The following PCDH1 variants were observed in gnomAD, a reference collection of about 807,000 sequenced individuals.
PCDH1 encodes protocadherin-1.
PCDH1 carries 23 observed loss-of-function variants against 74.6 expected under a neutral mutation model. That is an observed-to-expected ratio of 0.31 (90% CI 0.22 to 0.44). The LOEUF (loss-of-function observed/expected upper bound fraction) is 0.44, where lower values mean the gene tolerates loss of function less well. Ranked by LOEUF, PCDH1 falls within the 20% of genes least tolerant of loss-of-function variation. The pLI, the probability that PCDH1 is intolerant of heterozygous loss-of-function variation, is 1.00. For missense variants in PCDH1, 1,214 were observed against 1,641.4 expected (o/e 0.74, Z 4.50); for synonymous variants, 647 against 686.1 (o/e 0.94, Z 0.89).
chr5:141,873,076 G>A (rs952382732), intron 1 of PCDH1, among the ~76,000 whole-genome samples: 3 of 152,070 alleles, frequency 2.0e-5, no homozygotes, highest in Non-Finnish European at 4.4e-5. Flanking sequence ...GACCATCTGG[G>A]TACAACTTTG....
rs34636888 is a variant in PCDH1 at position 141,864,197 on chromosome 5, C to T, written c.2134G>A (p.Ala712Thr). The change falls in exon 3 of 5, where the codon GCA (alanine) becomes ACA (threonine). Residue 712 changes from alanine to threonine, a missense_variant. Transcript: ENST00000287008. The surrounding 1 kb of genome is among the most constrained non-coding windows in gnomAD (Gnocchi z 5.9). ...TINVLDENDN[A>T]PYITAPSNTS... Reference sequence around the variant, plus strand: ...TTAGAAGGGGCAGTGATATAGGGTGCGTTGTCATTCTCGTCCAGCACATTG... The same window carrying T: ...TTAGAAGGGGCAGTGATATAGGGTGTGTTGTCATTCTCGTCCAGCACATTG... 17,468 of 1,606,220 alleles carry T rather than the reference C, an allele frequency of 0.011. 117 individuals carry two copies. Among genetic ancestry groups the T allele is most frequent in the Non-Finnish European group, 0.012 (14,611 of 1,174,096 alleles).
chr5:141,869,847 A>T lies in PCDH1; in HGVS notation c.41-416T>A. 1 of 973,034 alleles carries T rather than the reference A, an allele frequency of 1.0e-6. No homozygotes were observed. Among genetic ancestry groups the T allele is most frequent in the Non-Finnish European group, 1.2e-6 (1 of 818,656 alleles). 60.3% of individuals were successfully genotyped at this position (973,034 alleles called of 1,614,324 possible). A position where few individuals can be genotyped will look rare whatever the true frequency, so the allele number is the denominator to read the frequency against. The stretch of plus-strand genomic sequence containing the variant: ...CGATGGTAATTACCTTGATACTGAG[A>T]TAGGGAGAGAGAGCCAGTGGAAGGG... On this transcript the variant is annotated intron_variant, in intron 1 of 4. Transcript: ENST00000287008. The surrounding 1 kb of genome is among the most constrained non-coding windows in gnomAD (Gnocchi z 4.9).
Position 141,868,599 on chromosome 5 carries a change from C to T in PCDH1, c.873G>A (p.Glu291=). ...TGACCGAGTGGCCTATGGGGCTATT[C>T]TCAGATAGTTCGGCCTCATAGGAGG... ...ERPSYEAELS[E]NSPIGHSVIQ... is the part of the protein sequence containing the mutation. The change falls in exon 2 of 5, where the codon GAG becomes GAA. Residue 291 remains glutamate (E), a synonymous_variant. Coordinates refer to ENST00000287008, the MANE Select transcript of PCDH1 (RefSeq NM_032420.5). The surrounding 1 kb of genome is among the most constrained non-coding windows in gnomAD (Gnocchi z 4.8). 1 of 1,565,294 alleles carries T rather than the reference C, an allele frequency of 6.4e-7. No homozygotes were observed. The highest frequency in any genetic ancestry group is 8.7e-7 in the Non-Finnish European group (1 of 1,155,920).
rs1426116228 is a variant in PCDH1 at position 141,869,593 on chromosome 5, C to A, written c.41-162G>T. 1 of 1,535,106 alleles carries A rather than the reference C, an allele frequency of 6.5e-7. No homozygotes were observed. The highest frequency in any genetic ancestry group is 8.7e-7 in the Non-Finnish European group (1 of 1,146,840). On this transcript the variant is annotated intron_variant, in intron 1 of 4. Coordinates refer to ENST00000287008, the MANE Select transcript of PCDH1 (RefSeq NM_032420.5). The surrounding 1 kb of genome is among the most constrained non-coding windows in gnomAD (Gnocchi z 4.9). ...AACCCCGATTCCAGAAACTCAGATCCCTGAATCTCATCCACAGCTGGGTGT... is the reference window on the plus strand; with the variant it reads ...AACCCCGATTCCAGAAACTCAGATCACTGAATCTCATCCACAGCTGGGTGT...
intron 1 of PCDH1, among the ~76,000 whole-genome samples, chr5:141,872,128 A>ACCC (rs57726943): frequency 2.7e-5 from 2 of 73,300 alleles, no homozygotes; most frequent in African/African-American, 9.4e-5. Context: ...TCCACCCCCC[A>ACCC]CCCCCCCCCT....
At position 141,853,954 on chromosome 5, in the gene PCDH1, T is replaced by C; in HGVS notation, c.*88A>G. The stretch of plus-strand genomic sequence containing the variant: ...GGGGCCCTGGCCAGGAAGTCCACGC[T>C]GAAGGGGTGGAGAGTGAGGCCCTGG... On this transcript the variant is annotated 3_prime_UTR_variant, in exon 5 of 5. Transcript: ENST00000287008. The C allele has an allele frequency of 8.2e-7, 1 of 1,217,464 alleles. No individual in the cohort carries two copies. Among genetic ancestry groups the C allele is most frequent in the Admixed American group, 2.9e-5 (1 of 34,030 alleles). The allele number at this position is 1,217,464 out of a possible 1,614,324, so 75.4% of individuals were successfully genotyped here. A position where few individuals can be genotyped will look rare whatever the true frequency, so the allele number is the denominator to read the frequency against.
chr5:141,867,060 C>T (rs577380827), intron 2 of PCDH1, among the ~76,000 whole-genome samples: 2 of 152,342 alleles, frequency 1.3e-5, no homozygotes, highest in South Asian at 4.1e-4. Context: ...TTCTCCTCCC[C>T]TCACCCCAGT....
chr5:141,863,916 T>C lies in PCDH1; in HGVS notation c.2415A>G (p.Thr805=). Residue 805 remains threonine, a synonymous_variant, in exon 3 of 5, where the codon ACA becomes ACG. Coordinates refer to ENST00000287008, the MANE Select transcript of PCDH1 (RefSeq NM_032420.5). The surrounding 1 kb of genome is among the most constrained non-coding windows in gnomAD (Gnocchi z 7.5). ...SDRGKPPRYG[T]ALVHLYVNET... is the part of the protein sequence containing the mutation. ...CATTGACATAAAGATGGACCAAGGC[T>C]GTGCCATAGCGTGGGGGCTTGCCGC... 3.7e-6 allele frequency: 6 copies of C among 1,614,220 alleles called. No individual in the cohort carries two copies. The highest frequency in any genetic ancestry group is 5.1e-6 in the Non-Finnish European group (6 of 1,180,046).
rs530205483 is a variant in PCDH1 at position 141,869,948 on chromosome 5, C to T, written c.41-517G>A. On this transcript the variant is annotated intron_variant, in intron 1 of 4. Transcript: ENST00000287008. This position sits in a 1 kb window ranked among gnomAD's most constrained non-coding sequence, Gnocchi z 4.9. ...GGAAAGAGACACAAGTACGTCCTTA[C>T]ACACCCCAGACCCTGGGACCTTGAC... Among the ~76,000 whole-genome samples the T allele has an allele frequency of 6.1e-4, 93 of 152,302 alleles. No individual in the cohort carries two copies. Among genetic ancestry groups the T allele is most frequent in the African/African-American group, 2.2e-3 (91 of 41,574 alleles).
Position 141,868,577 on chromosome 5 carries a change from C to T in PCDH1, c.895G>A (p.Val299Ile), listed in dbSNP as rs765296106. 20 of 1,530,580 alleles carry T rather than the reference C, an allele frequency of 1.3e-5. No homozygotes were observed. The South Asian group carries it at 2.5e-4, about 19-fold the overall frequency. The allele number at this position is 1,530,580 out of a possible 1,614,324, so 94.8% of individuals were successfully genotyped here. A position where few individuals can be genotyped will look rare whatever the true frequency, so the allele number is the denominator to read the frequency against. Reference sequence around the variant, plus strand: ...CGGAGGGGGCCTCTCACCTGGATGACCGAGTGGCCTATGGGGCTATTCTCA... The same window carrying T: ...CGGAGGGGGCCTCTCACCTGGATGATCGAGTGGCCTATGGGGCTATTCTCA... ...LSENSPIGHSVIQVKANDSDQ... is the reference protein window; with the variant it reads ...LSENSPIGHSIIQVKANDSDQ... Residue 299 changes from valine to isoleucine, a missense_variant, in exon 2 of 5, where the codon GTC becomes ATC. Transcript: ENST00000287008. The surrounding 1 kb of genome is among the most constrained non-coding windows in gnomAD (Gnocchi z 4.8).
At position 141,864,440 on chromosome 5, in the gene PCDH1, C is replaced by G. The variant is rs768952816; in HGVS notation, c.1891G>C (p.Val631Leu). The G allele has an allele frequency of 3.1e-6, 5 of 1,614,036 alleles. No individual in the cohort carries two copies. Among genetic ancestry groups the G allele is most frequent in the Non-Finnish European group, 4.2e-6 (5 of 1,180,036 alleles). Residue 631 changes from valine to leucine, a missense_variant, in exon 3 of 5, where the codon GTG (valine) becomes CTG (leucine). By Grantham distance (32) the Val-to-Leu change is conservative. This residue lies in a region of PCDH1 where 836 missense variants were observed against 1,182.2 expected (regional missense o/e 0.71). Coordinates refer to ENST00000287008, the MANE Select transcript of PCDH1 (RefSeq NM_032420.5). The surrounding 1 kb of genome is among the most constrained non-coding windows in gnomAD (Gnocchi z 5.9). ...CCATCAATGACAGTCACCATGCCCA[C>G]TGGACTCAGTGCTGGCATGTTCTCC... Reference protein sequence around the residue: ...VMENMPALSPVGMVTVIDGDK... With the variant: ...VMENMPALSPLGMVTVIDGDK...
intron 3 of PCDH1, among the ~76,000 whole-genome samples, chr5:141,860,490 C>T (rs932341402): frequency 1.0e-4 from 14 of 139,534 alleles, no homozygotes; most frequent in Admixed American, 6.0e-4. Flanking sequence ...CAGAGCAAGA[C>T]CCTGTCTCAA....
rs1753017559 is a variant in PCDH1, at chr5:141,869,320, G to A, written c.152C>T (p.Ala51Val). 2.5e-6 allele frequency: 4 copies of A among 1,599,356 alleles called. No individual in the cohort carries two copies. The South Asian group carries it at 4.5e-5, about 18-fold the overall frequency. The change falls in exon 2 of 5, where the codon GCT becomes GTT. Residue 51 changes from alanine (A) to valine (V), a missense_variant. Around this residue, in one of 4 missense-constraint regions of PCDH1, gnomAD observed 87 missense variants for 87.7 expected, o/e 0.99. Coordinates refer to ENST00000287008, the MANE Select transcript of PCDH1 (RefSeq NM_032420.5). The surrounding 1 kb of genome is among the most constrained non-coding windows in gnomAD (Gnocchi z 4.9). ...CCGAGTGGCGTGGCCTGGGGATGGAGCCAGCAGGAGCAGCAGTGCTAGCAG... is the reference window on the plus strand; with the variant it reads ...CCGAGTGGCGTGGCCTGGGGATGGAACCAGCAGGAGCAGCAGTGCTAGCAG... The part of the protein sequence containing the change: ...SMLLALLLLL[A>V]PSPGHATRVV...
chr5:141,864,724 C>A lies in PCDH1; in HGVS notation c.1607G>T (p.Gly536Val), dbSNP rs1019096782. 1 of 1,614,152 alleles carries A rather than the reference C, an allele frequency of 6.2e-7. No individual in the cohort carries two copies. The highest frequency in any genetic ancestry group is 8.5e-7 in the Non-Finnish European group (1 of 1,180,038). The change falls in exon 3 of 5, where the codon GGC (glycine) becomes GTC (valine). Residue 536 changes from glycine to valine, a missense_variant. Coordinates refer to ENST00000287008, the MANE Select transcript of PCDH1 (RefSeq NM_032420.5). The surrounding 1 kb of genome is among the most constrained non-coding windows in gnomAD (Gnocchi z 5.9). ...AGAGTAAACCAGCTCAGCATTAGAGCCAGAGTCAGCATCACTGGCAGTGAT... is the reference window on the plus strand; with the variant it reads ...AGAGTAAACCAGCTCAGCATTAGAGACAGAGTCAGCATCACTGGCAGTGAT... ...AEITASDADS[G>V]SNAELVYSLE... is the part of the protein sequence containing the mutation.
chr5:141,873,890 G>A (rs1303783344), intron 1 of PCDH1, among the ~76,000 whole-genome samples: 2 of 152,062 alleles, frequency 1.3e-5, no homozygotes, highest in African/African-American at 2.4e-5. Flanking sequence ...TCTCAAATGG[G>A]TAGTATTTAT....
In PCDH1 at chr5:141,862,288, G is replaced by A. The variant is rs546357822; in HGVS notation, c.3099+944C>T. On this transcript the variant is annotated intron_variant, in intron 3 of 4. Transcript: ENST00000287008. ...TGCTCCAGTCTGAGGTCTGTCAGAG[G>A]CAACTGTTTGAGCAGATTGGAAAAA... is the stretch of plus-strand genomic sequence containing the variant. Among the ~76,000 whole-genome samples the A allele has an allele frequency of 5.9e-5, 9 of 152,308 alleles. No individual in the cohort carries two copies. The South Asian group carries it at 1.7e-3, about 28-fold the overall frequency.
intron 4 of PCDH1, 28 bp downstream of exon 4, chr5:141,857,224 G>C: frequency 6.6e-7 from 1 of 1,514,370 alleles, no homozygotes. Flanking sequence ...CATTCCTGGG[G>C]TGCCCTGACC....
Position 141,869,290 on chromosome 5 carries a change from A to T in PCDH1, c.182T>A (p.Val61Glu). 4 of 1,606,742 alleles carry T rather than the reference A, an allele frequency of 2.5e-6. No individual in the cohort carries two copies. The highest frequency in any genetic ancestry group is 3.4e-6 in the Non-Finnish European group (4 of 1,176,862). Residue 61 changes from valine to glutamate, a missense_variant, in exon 2 of 5, where the codon GTG (valine) becomes GAG (glutamate). Coordinates refer to ENST00000287008, the MANE Select transcript of PCDH1 (RefSeq NM_032420.5). This position sits in a 1 kb window ranked among gnomAD's most constrained non-coding sequence, Gnocchi z 4.9. ...APSPGHATRVVYKVPEEQPPN... is the reference protein window; with the variant it reads ...APSPGHATRVEYKVPEEQPPN... ...TGGCTGTTCCTCCGGCACCTTGTAC[A>T]CTACCCGAGTGGCGTGGCCTGGGGA...
chr5:141,869,277 C>T lies in PCDH1; in HGVS notation c.195G>A (p.Pro65=), dbSNP rs779995022. 72 of 1,609,162 alleles carry T rather than the reference C, an allele frequency of 4.5e-5. 1 individual carries two copies. The highest frequency in any genetic ancestry group is 3.3e-4 in the South Asian group (30 of 89,986). Residue 65 remains proline, a synonymous_variant, in exon 2 of 5, where the codon CCG becomes CCA. Transcript: ENST00000287008. This position sits in a 1 kb window ranked among gnomAD's most constrained non-coding sequence, Gnocchi z 4.9. ...TGAGGGTGTTGGGTGGCTGTTCCTC[C>T]GGCACCTTGTACACTACCCGAGTGG... is the stretch of plus-strand genomic sequence containing the variant. The part of the protein sequence containing the change: ...GHATRVVYKV[P]EEQPPNTLIG...
Sources: gnomAD v4.1 joint callset for allele counts (sites outside exome capture counted in the v4.1 genomes callset) on GRCh38, gnomAD v4.1.1 for gene constraint, gnomAD v4.1.1 regional missense constraint, Gnocchi (gnomAD v3.1) non-coding constraint, MANE v1.5 for transcripts, NCBI Gene and HGNC (gene_info 2026-07-23, HGNC 2026-07-21) for gene names.